The following EFNA5 variants were observed in gnomAD, a reference collection of about 807,000 sequenced individuals.
EFNA5 encodes ephrin A5.
A neutral mutation model predicts 22.9 loss-of-function variants in EFNA5; 5 were observed. That is an observed-to-expected ratio of 0.22 (90% CI 0.11 to 0.46). The LOEUF (loss-of-function observed/expected upper bound fraction) is 0.46, where lower values mean the gene tolerates loss of function less well. Among genes scored for constraint, EFNA5 ranks in the 20% least tolerant of loss-of-function variants. EFNA5 has a pLI of 0.99. For synonymous variants in EFNA5, 113 were observed against 112.2 expected (o/e 1.01, Z -0.04); for missense variants, 237 against 293.3 (o/e 0.81, Z 1.40).
intron 1 of EFNA5, among the ~76,000 whole-genome samples, chr5:107,591,518 G>T (rs61466405): frequency 0.01 from 1,532 of 151,944 alleles, 31 homozygotes; most frequent in African/African-American, 0.034. Flanking sequence ...ACCCATGGTA[G>T]ATGCTTAATA....
intron 1 of EFNA5, among the ~76,000 whole-genome samples, chr5:107,455,969 C>T (rs1454796925): frequency 6.6e-6 from 1 of 152,174 alleles, no homozygotes; most frequent in East Asian, 1.9e-4. Context: ...AAATGCCATC[C>T]ACTACCTAGA....
chr5:107,648,475 A>G (rs1411164537), intron 1 of EFNA5, among the ~76,000 whole-genome samples: 2 of 152,192 alleles, frequency 1.3e-5, no homozygotes, highest in African/African-American at 4.8e-5. Context: ...AATAGTTTCA[A>G]CTTGTGGTAC....
At chr5:107,443,708 C>T (rs1373629803) in intron 1 of EFNA5, among the ~76,000 whole-genome samples, 2 of 151,810 alleles carry the variant, frequency 1.3e-5, no homozygotes, top group African/African-American at 4.8e-5. Flanking sequence ...TGGGGACTGT[C>T]GGGGGTTGGG....
chr5:107,588,026 A>G (rs1749229421), intron 1 of EFNA5, among the ~76,000 whole-genome samples: 2 of 152,192 alleles, frequency 1.3e-5, no homozygotes, highest in African/African-American at 4.8e-5. Flanking sequence ...AAAAATTGGG[A>G]AGAAGGCTAC....
chr5:107,512,466 TC>T (rs899948588), intron 1 of EFNA5, among the ~76,000 whole-genome samples: 12 of 151,876 alleles, frequency 7.9e-5, no homozygotes, highest in Non-Finnish European at 1.6e-4. Flanking sequence ...TTTTTTACCT[TC>T]TAGGAGGTTT....
Position 107,518,314 on chromosome 5 carries a change from C to G in EFNA5, c.126-90805G>C, listed in dbSNP as rs187576872. ...GTGAATAAAAAGCCATTGCAGACAT[C>G]GGTCCCTTGTTTACTAGGCTTGCTG... On this transcript the variant is annotated intron_variant, in intron 1 of 4. Coordinates refer to ENST00000333274, the MANE Select transcript of EFNA5 (RefSeq NM_001962.3). 1.7e-3 allele frequency among the ~76,000 whole-genome samples: 254 copies of G among 151,558 alleles called. 2 individuals carry two copies. Among genetic ancestry groups the G allele is most frequent in the African/African-American group, 5.7e-3 (237 of 41,306 alleles).
chr5:107,634,908 A>T (rs1750339727), intron 1 of EFNA5, among the ~76,000 whole-genome samples: 1 of 152,216 alleles, frequency 6.6e-6, no homozygotes, highest in Non-Finnish European at 1.5e-5. Flanking sequence ...TGACAAATCA[A>T]AAAGTGACCT....
intron 1 of EFNA5, among the ~76,000 whole-genome samples, chr5:107,522,845 ACTCT>A (rs1431500792): frequency 6.6e-6 from 1 of 151,742 alleles, no homozygotes; most frequent in Non-Finnish European, 1.5e-5. Flanking sequence ...AACTCATCAC[ACTCT>A]CTAATTCTTT....
chr5:107,401,712 T>A (rs1748089748), intron 2 of EFNA5, among the ~76,000 whole-genome samples: 1 of 152,222 alleles, frequency 6.6e-6, no homozygotes, highest in South Asian at 2.1e-4. Flanking sequence ...GAAATTTATG[T>A]CAACCTGAGT....
At chr5:107,631,764 G>A (rs146995606) in intron 1 of EFNA5, among the ~76,000 whole-genome samples, 2 of 152,194 alleles carry the variant, frequency 1.3e-5, no homozygotes, top group Non-Finnish European at 2.9e-5. Flanking sequence ...ATGGGAGGGG[G>A]GAAATAAAGT....
chr5:107,484,554 T>C (rs1425313819), intron 1 of EFNA5, among the ~76,000 whole-genome samples: 3 of 152,192 alleles, frequency 2.0e-5, no homozygotes, highest in Non-Finnish European at 4.4e-5. Flanking sequence ...CTTCTGAGTT[T>C]AAGATATGTG....
intron 2 of EFNA5, among the ~76,000 whole-genome samples, chr5:107,414,206 T>C (rs770174981): frequency 6.6e-6 from 1 of 152,200 alleles, no homozygotes; most frequent in African/African-American, 2.4e-5. Flanking sequence ...TTTGACTTTT[T>C]ACCTATCATC....
At chr5:107,471,156 A>C (rs865970443) in intron 1 of EFNA5, among the ~76,000 whole-genome samples, 2 of 151,992 alleles carry the variant, frequency 1.3e-5, no homozygotes, top group African/African-American at 4.8e-5. Flanking sequence ...AATCAATTCT[A>C]ATTTGTGCTT....
chr5:107,598,653 T>C (rs758732310), intron 1 of EFNA5, among the ~76,000 whole-genome samples: 43 of 152,208 alleles, frequency 2.8e-4, no homozygotes, highest in Non-Finnish European at 2.8e-4. Flanking sequence ...CAGGTGGTCT[T>C]ATAAAGGTCA....
At chr5:107,614,355 T>G (rs1412720768) in intron 1 of EFNA5, among the ~76,000 whole-genome samples, 1 of 152,166 alleles carries the variant, frequency 6.6e-6, no homozygotes, top group African/African-American at 2.4e-5. Context: ...TTCAAGTGTT[T>G]TCATAACATC....
intron 1 of EFNA5, among the ~76,000 whole-genome samples, chr5:107,551,083 T>C (rs1253871779): frequency 6.6e-6 from 1 of 152,222 alleles, no homozygotes; most frequent in Non-Finnish European, 1.5e-5. Context: ...TTTTATAGTA[T>C]AATTATGCGT....
chr5:107,502,265 C>T (rs921966121), intron 1 of EFNA5, among the ~76,000 whole-genome samples: 2 of 152,222 alleles, frequency 1.3e-5, no homozygotes, highest in Non-Finnish European at 2.9e-5. Context: ...CCTCTCATGA[C>T]TCACTGCAAC....
chr5:107,516,320 G>A (rs769592909), intron 1 of EFNA5, among the ~76,000 whole-genome samples: 4 of 152,070 alleles, frequency 2.6e-5, no homozygotes, highest in South Asian at 2.1e-4. Context: ...TTATAGGCCT[G>A]AGCCACCATG....
intron 1 of EFNA5, among the ~76,000 whole-genome samples, chr5:107,587,755 G>T (rs1202364353): frequency 6.6e-6 from 1 of 152,180 alleles, no homozygotes; most frequent in African/African-American, 2.4e-5. Context: ...CTAACCTCGT[G>T]ATCCGCCCGC....
Sources: gnomAD v4.1 joint callset for allele counts (sites outside exome capture counted in the v4.1 genomes callset) on GRCh38, gnomAD v4.1.1 for gene constraint, MANE v1.5 for transcripts, NCBI Gene and HGNC (gene_info 2026-07-23, HGNC 2026-07-21) for gene names.